The following VIPR2 variants were observed in gnomAD, a reference collection of about 807,000 sequenced individuals.
VIPR2 encodes the protein vasoactive intestinal peptide receptor 2, also known as vasoactive intestinal polypeptide receptor 2.
Under a neutral mutation model 58.0 loss-of-function variants are expected in VIPR2, and 48 were observed. That is an observed-to-expected ratio of 0.83 (90% CI 0.66 to 1.05). VIPR2 has a LOEUF of 1.05. VIPR2 is among the 50% of genes least tolerant of loss of function. VIPR2 has a pLI of 0.00. For missense variants in VIPR2, 534 were observed against 558.0 expected (o/e 0.96, Z 0.43); for synonymous variants, 243 against 235.2 (o/e 1.03, Z -0.30).
At chr7:159,063,237 G>T (rs1051995566) in intron 4 of VIPR2, among the ~76,000 whole-genome samples, 25 of 146,318 alleles carry the variant, frequency 1.7e-4, no homozygotes, top group Non-Finnish European at 3.7e-4. Context: ...CGGCGGGGTG[G>T]GGGGAGACTC....
At chr7:159,033,914 A>G (rs924899010) in intron 10 of VIPR2, among the ~76,000 whole-genome samples, 1 of 152,196 alleles carries the variant, frequency 6.6e-6, no homozygotes, top group African/African-American at 2.4e-5. Flanking sequence ...CACAGTTGCC[A>G]AGGCCAGAAG....
intron 4 of VIPR2, among the ~76,000 whole-genome samples, chr7:159,069,383 G>A (rs923876514): frequency 1.3e-5 from 2 of 152,154 alleles, no homozygotes; most frequent in African/African-American, 4.8e-5. Context: ...ACGAACGGCT[G>A]TAGGCCCCAG....
At chr7:159,122,705 C>T (rs1316123715) in intron 2 of VIPR2, among the ~76,000 whole-genome samples, 2 of 110,854 alleles carry the variant, frequency 1.8e-5, no homozygotes, top group East Asian at 2.7e-4. Flanking sequence ...CTCTAAAATG[C>T]AGATGTAACA....
rs1322024925 is a variant in VIPR2, at chr7:159,031,815, G to A, written c.1143+13C>T. 3.1e-6 allele frequency: 5 copies of A among 1,613,940 alleles called. No individual in the cohort carries two copies. Among genetic ancestry groups the A allele is most frequent in the Non-Finnish European group, 4.2e-6 (5 of 1,180,022 alleles). On this transcript the variant is annotated intron_variant, in intron 12 of 12. Coordinates refer to ENST00000262178, the MANE Select transcript of VIPR2 (RefSeq NM_003382.5). This position sits in a 1 kb window ranked among gnomAD's most constrained non-coding sequence, Gnocchi z 4.0. ...AGTACCTGTGCTTGGTTCCAAGGCGGCCATGAACTTACCTCACTGTTCAGG... is the reference window on the plus strand; with the variant it reads ...AGTACCTGTGCTTGGTTCCAAGGCGACCATGAACTTACCTCACTGTTCAGG...
At chr7:159,034,913 G>A (rs535384159) in intron 8 of VIPR2, among the ~76,000 whole-genome samples, 12 of 152,254 alleles carry the variant, frequency 7.9e-5, no homozygotes, top group Middle Eastern at 3.4e-3. Context: ...GGCTGCTGAC[G>A]CCCTCCACTC....
intron 5 of VIPR2, among the ~76,000 whole-genome samples, chr7:159,054,417 G>C (rs1027252253): frequency 2.0e-5 from 3 of 152,152 alleles, no homozygotes; most frequent in African/African-American, 7.2e-5. Context: ...CAGAGCTGGA[G>C]ACAAAATCCG....
At chr7:159,139,203 A>G (rs999232429) in intron 2 of VIPR2, among the ~76,000 whole-genome samples, 2 of 152,182 alleles carry the variant, frequency 1.3e-5, no homozygotes, top group African/African-American at 4.8e-5. Context: ...AACCTAGGAG[A>G]GTTCGATAAT....
chr7:159,036,079 C>T, intron 7 of VIPR2, 67 bp from the exon 8 acceptor site: 1 of 1,538,222 alleles, frequency 6.5e-7, no homozygotes, highest in African/African-American at 1.4e-5. Flanking sequence ...TGGGTGCCTT[C>T]ACCAGCAAAA....
At chr7:159,052,091 G>T (rs533897069) in intron 5 of VIPR2, among the ~76,000 whole-genome samples, 44 of 152,270 alleles carry the variant, frequency 2.9e-4, no homozygotes, top group African/African-American at 9.1e-4. Context: ...TACCAAAACA[G>T]ATGGCATGCC....
intron 2 of VIPR2, among the ~76,000 whole-genome samples, chr7:159,120,125 C>T (rs1048831421): frequency 6.6e-6 from 1 of 152,230 alleles, no homozygotes; most frequent in Admixed American, 6.5e-5. Context: ...TGCTGAGGGT[C>T]CTCGCGGCCC....
At chr7:159,132,411 G>C (rs1796954444) in intron 2 of VIPR2, among the ~76,000 whole-genome samples, 1 of 146,714 alleles carries the variant, frequency 6.8e-6, no homozygotes, top group Non-Finnish European at 1.5e-5. Flanking sequence ...ACTGGAACCT[G>C]GACTGGGATC....
chr7:159,140,121 T>C (rs1797405414), intron 2 of VIPR2, among the ~76,000 whole-genome samples: 1 of 152,198 alleles, frequency 6.6e-6, no homozygotes, highest in Non-Finnish European at 1.5e-5. Context: ...AAGAGAAACA[T>C]TTCCAAATCA....
At chr7:159,105,199 C>T (rs1238467374) in intron 3 of VIPR2, among the ~76,000 whole-genome samples, 1 of 152,134 alleles carries the variant, frequency 6.6e-6, no homozygotes, top group Non-Finnish European at 1.5e-5. Context: ...AGGCACTGAA[C>T]GCCGTGCCAG....
chr7:159,073,907 A>G (rs1856522823), intron 4 of VIPR2, among the ~76,000 whole-genome samples: 1 of 152,180 alleles, frequency 6.6e-6, no homozygotes. Context: ...GCACACAGGC[A>G]TGAGTGCACA....
chr7:159,139,044 G>A (rs34934389), intron 2 of VIPR2, among the ~76,000 whole-genome samples: 24,796 of 152,120 alleles, frequency 0.16, 2,135 homozygotes, highest in African/African-American at 0.22. Context: ...AAAGTCACAG[G>A]ATGCTGTGGG....
Position 159,031,945 on chromosome 7 carries a change from G to C in VIPR2, c.1094C>G (p.Ser365Trp). 6.2e-7 allele frequency: 1 copy of C among 1,614,156 alleles called. No individual in the cohort carries two copies. The highest frequency in any genetic ancestry group is 1.1e-5 in the South Asian group (1 of 91,072). The change falls in exon 11 of 13, where the codon TCG becomes TGG. Residue 365 changes from serine (S) to tryptophan (W), a missense_variant. Transcript: ENST00000262178. The surrounding 1 kb of genome is among the most constrained non-coding windows in gnomAD (Gnocchi z 4.0). ...CCGCCTCCGCACACCTACCTGGAAC[G>C]ACCCGAGGCACAGCTCAAACAGTAT... The part of the protein sequence containing the change: ...YQILFELCLG[S>W]FQGLVVAVLY...
chr7:159,068,822 G>A (rs968656717), intron 4 of VIPR2, among the ~76,000 whole-genome samples: 4 of 152,196 alleles, frequency 2.6e-5, no homozygotes, highest in Non-Finnish European at 5.9e-5. Context: ...GAGCAGAGTG[G>A]AATGGCTGCT....
intron 12 of VIPR2, 81 bp from the exon 13 acceptor site, chr7:159,030,870 T>G (rs1043894943): frequency 2.3e-5 from 32 of 1,410,234 alleles, no homozygotes; most frequent in Non-Finnish European, 2.0e-5. Flanking sequence ...CCCGCGAGCC[T>G]CCAGCTCTCC....
chr7:159,103,617 T>C (rs917693782), intron 4 of VIPR2, 140 bp downstream of exon 4: 2 of 672,420 alleles, frequency 3.0e-6, no homozygotes, highest in African/African-American at 3.6e-5. Flanking sequence ...TTCGCTTAAC[T>C]TGGAAAGCAG....
Sources: allele counts gnomAD v4.1 joint callset (sites outside exome capture counted in the v4.1 genomes callset), GRCh38; gene constraint gnomAD v4.1.1; non-coding constraint Gnocchi (gnomAD v3.1); transcripts MANE v1.5; gene names NCBI Gene and HGNC (gene_info 2026-07-23, HGNC 2026-07-21).